AFF3: variants seen among roughly 807,000 people sequenced by gnomAD.
AFF3 encodes ALF transcription elongation factor 3.
AFF3 carries 32 observed loss-of-function variants against 129.7 expected under a neutral mutation model. That is an observed-to-expected ratio of 0.25 (90% CI 0.19 to 0.33). The LOEUF (loss-of-function observed/expected upper bound fraction) is 0.33, where lower values mean the gene tolerates loss of function less well. AFF3 is among the 10% of genes least tolerant of loss of function. AFF3 has a pLI of 1.00. For synonymous variants in AFF3, 644 were observed against 635.4 expected, an observed-to-expected ratio of 1.01 and a Z score of -0.20; for missense variants, 1,373 against 1,592.0, an observed-to-expected ratio of 0.86 and a Z score of 2.34.
chr2:99,833,130 G>T (rs945552546), intron 8 of AFF3, among the ~76,000 whole-genome samples: 1 of 152,122 alleles, frequency 6.6e-6, no homozygotes, highest in Non-Finnish European at 1.5e-5. Context: ...GGCTTCTCTT[G>T]TCCCACCATC....
At chr2:99,719,639 C>G (rs772329064) in intron 11 of AFF3, among the ~76,000 whole-genome samples, 3 of 152,162 alleles carry the variant, frequency 2.0e-5, no homozygotes, top group Non-Finnish European at 4.4e-5. Context: ...CTCTTATACT[C>G]TTTGTCTTGA....
chr2:99,935,050 T>C (rs533831793), intron 7 of AFF3, among the ~76,000 whole-genome samples: 1 of 151,762 alleles, frequency 6.6e-6, no homozygotes, highest in East Asian at 1.9e-4. Context: ...AGAAAAGATG[T>C]GTGTTTATGA....
chr2:99,642,947 C>A (rs2105516154), intron 13 of AFF3, among the ~76,000 whole-genome samples: 1 of 151,476 alleles, frequency 6.6e-6, no homozygotes, highest in South Asian at 2.1e-4. Context: ...TTTTTATTCA[C>A]AACTTAATTG....
intron 2 of AFF3, among the ~76,000 whole-genome samples, chr2:100,108,879 G>GT (rs910029625): frequency 1.4e-5 from 2 of 142,386 alleles, no homozygotes; most frequent in African/African-American, 5.2e-5. Context: ...CCCTGGGAAT[G>GT]AGTGTTTCTG....
At chr2:99,972,849 A>G (rs1017958431) in intron 7 of AFF3, among the ~76,000 whole-genome samples, 1 of 152,200 alleles carries the variant, frequency 6.6e-6, no homozygotes, top group Non-Finnish European at 1.5e-5. Context: ...CAGAGATGAG[A>G]GGTGCCTCTT....
intron 7 of AFF3, among the ~76,000 whole-genome samples, chr2:99,958,288 T>A (rs1340104336): frequency 6.6e-6 from 1 of 151,636 alleles, no homozygotes; most frequent in Non-Finnish European, 1.5e-5. Flanking sequence ...AGGTCGGGAG[T>A]TCGAGACTAG....
chr2:99,878,058 T>C (rs955742106), intron 7 of AFF3, among the ~76,000 whole-genome samples: 16 of 152,168 alleles, frequency 1.1e-4, no homozygotes, highest in African/African-American at 2.7e-4. Context: ...TCATTAAATG[T>C]TGCAGAAACA....
chr2:99,646,542 T>C (rs1279486371), intron 13 of AFF3, among the ~76,000 whole-genome samples: 1 of 152,144 alleles, frequency 6.6e-6, no homozygotes, highest in Non-Finnish European at 1.5e-5. Flanking sequence ...TTTGTGTAAA[T>C]GAATGTATAA....
rs17022769 is a variant in AFF3 at position 99,554,751 on chromosome 2, A to G, written c.3286-19T>C. 5.7e-3 allele frequency: 9,269 copies of G among 1,613,974 alleles called. 436 individuals carry two copies. In the African/African-American group the frequency reaches 0.11, roughly 19 times the overall value. ...ATGAGTTCTGCAAGAAAATAAAAAC[A>G]CTGACAGTGAGTGCCATCTGCGTGA... On this transcript the variant is annotated intron_variant, in intron 22 of 24. Transcript: ENST00000672756.
intron 8 of AFF3, among the ~76,000 whole-genome samples, chr2:99,834,244 T>C (rs1288210591): frequency 1.3e-5 from 2 of 152,188 alleles, no homozygotes; most frequent in Non-Finnish European, 1.5e-5. Flanking sequence ...GCGTCTTCAT[T>C]AGAATCCCAG....
chr2:99,787,998 G>A (rs956518759), intron 8 of AFF3, among the ~76,000 whole-genome samples: 5 of 152,144 alleles, frequency 3.3e-5, no homozygotes, highest in Admixed American at 6.5e-5. Flanking sequence ...TGGAGCTGAC[G>A]TCCTATCACC....
chr2:100,080,378 C>T (rs1306468756), intron 4 of AFF3, among the ~76,000 whole-genome samples: 2 of 152,146 alleles, frequency 1.3e-5, no homozygotes, highest in Admixed American at 6.5e-5. Flanking sequence ...TAATATAGTT[C>T]ATCTTGAAGA....
At chr2:99,711,767 C>T (rs756279094) in intron 11 of AFF3, among the ~76,000 whole-genome samples, 2 of 152,212 alleles carry the variant, frequency 1.3e-5, no homozygotes, top group African/African-American at 4.8e-5. Flanking sequence ...ATGCTAGAAA[C>T]ACTTCAACAC....
intron 8 of AFF3, among the ~76,000 whole-genome samples, chr2:99,756,503 G>T (rs143584863): frequency 6.6e-6 from 1 of 152,320 alleles, no homozygotes; most frequent in African/African-American, 2.4e-5. Flanking sequence ...GGTCTGACTG[G>T]AAGAGGCATG....
At chr2:99,904,105 G>A (rs144139715) in intron 7 of AFF3, among the ~76,000 whole-genome samples, 170 of 152,044 alleles carry the variant, frequency 1.1e-3, no homozygotes, top group African/African-American at 3.8e-3. Context: ...AACTAGATAC[G>A]TCATTTCTGA....
chr2:99,662,603 T>C (rs886173943), intron 12 of AFF3, among the ~76,000 whole-genome samples: 1 of 152,192 alleles, frequency 6.6e-6, no homozygotes, highest in African/African-American at 2.4e-5. Context: ...TTACATGATG[T>C]TTGGTACTTA....
intron 11 of AFF3, among the ~76,000 whole-genome samples, chr2:99,708,035 T>C (rs940018719): frequency 1.3e-5 from 2 of 152,198 alleles, no homozygotes; most frequent in African/African-American, 2.4e-5. Flanking sequence ...CTAGTTAAAT[T>C]TGAATTTCAG....
In AFF3 at chr2:99,883,709, A is replaced by G. The variant is rs963065966; in HGVS notation, c.874-46185T>C. Among the ~76,000 whole-genome samples, 7 of 152,224 alleles carry G rather than the reference A, an allele frequency of 4.6e-5. No homozygotes were observed. In the South Asian group the frequency reaches 1.5e-3, roughly 32 times the overall value. On this transcript the variant is annotated intron_variant, in intron 7 of 24. Transcript: ENST00000672756. Reference sequence around the variant, plus strand: ...CAGGGTGGCTTCTCTTCCCTTCCCAACTGAAACATCCTAAATCTAAAATCA... The same window carrying G: ...CAGGGTGGCTTCTCTTCCCTTCCCAGCTGAAACATCCTAAATCTAAAATCA...
intron 4 of AFF3, among the ~76,000 whole-genome samples, chr2:100,077,086 T>C (rs1223187022): frequency 6.6e-6 from 1 of 151,910 alleles, no homozygotes; most frequent in African/African-American, 2.4e-5. Flanking sequence ...CTGTCTCTAC[T>C]AAAAATTCAA....
Sources: gnomAD v4.1 joint callset for allele counts (sites outside exome capture counted in the v4.1 genomes callset) on GRCh38, gnomAD v4.1.1 for gene constraint, MANE v1.5 for transcripts, NCBI Gene and HGNC (gene_info 2026-07-23, HGNC 2026-07-21) for gene names.